Variants in GMDS observed in about 807,000 individuals in gnomAD.
GMDS encodes the protein GDP-mannose 4,6 dehydratase.
GMDS carries 20 observed loss-of-function variants against 49.9 expected under a neutral mutation model. That is an observed-to-expected ratio of 0.40 (90% CI 0.28 to 0.58). The LOEUF is 0.58. GMDS is among the 20% of genes least tolerant of loss of function. GMDS has a pLI of 0.42. For synonymous variants in GMDS, 177 were observed against 178.6 expected (o/e 0.99, Z 0.07); for missense variants, 362 against 481.4 (o/e 0.75, Z 2.32).
At chr6:2,107,798 C>A (rs547080462) in intron 4 of GMDS, among the ~76,000 whole-genome samples, 1 of 152,336 alleles carries the variant, frequency 6.6e-6, no homozygotes, top group Admixed American at 6.5e-5. Context: ...CTTCTAGACA[C>A]AAAAGGCACT....
At chr6:1,807,761 A>G (rs1399574611) in intron 7 of GMDS, among the ~76,000 whole-genome samples, 2 of 152,194 alleles carry the variant, frequency 1.3e-5, no homozygotes, top group Non-Finnish European at 2.9e-5. Flanking sequence ...GCAGTGGATC[A>G]TAGAGGTAAA....
Position 1,699,622 on chromosome 6 carries a change from G to A in GMDS, c.987+26794C>T, listed in dbSNP as rs117940571. On this transcript the variant is annotated intron_variant, in intron 9 of 10. Coordinates refer to ENST00000380815, the MANE Select transcript of GMDS (RefSeq NM_001500.4). ...CCTTGAATCACCCTGACCCCGCTTCGTCTTCACTGCTCCTTTTCTGACTCT... is the reference window on the plus strand; with the variant it reads ...CCTTGAATCACCCTGACCCCGCTTCATCTTCACTGCTCCTTTTCTGACTCT... 4.4e-4 allele frequency among the ~76,000 whole-genome samples: 67 copies of A among 152,196 alleles called. No homozygotes were observed. In the East Asian group the frequency reaches 0.012, roughly 27 times the overall value.
chr6:1,643,368 G>A (rs562013701), intron 9 of GMDS, among the ~76,000 whole-genome samples: 1 of 152,208 alleles, frequency 6.6e-6, no homozygotes, highest in Non-Finnish European at 1.5e-5. Flanking sequence ...AACCCTGACT[G>A]CCCACGGGGC....
chr6:1,832,330 T>C (rs941021508), intron 7 of GMDS, among the ~76,000 whole-genome samples: 1 of 151,822 alleles, frequency 6.6e-6, no homozygotes, highest in African/African-American at 2.4e-5. Flanking sequence ...GAGTTTGAGG[T>C]TGCAGTGAGT....
Position 1,630,235 on chromosome 6 carries a change from G to T in GMDS, c.988-5695C>A, listed in dbSNP as rs142588434. Among the ~76,000 whole-genome samples, 30 of 152,374 alleles carry T rather than the reference G, an allele frequency of 2.0e-4. No individual in the cohort carries two copies. The East Asian group carries it at 5.4e-3, about 27-fold the overall frequency. On this transcript the variant is annotated intron_variant, in intron 9 of 10. Coordinates refer to ENST00000380815, the MANE Select transcript of GMDS (RefSeq NM_001500.4). ...ACAAAGTTTTAAAACATATTCTGGAGAAAGCCCTTTCTAGCAGACATGCTG... is the reference window on the plus strand; with the variant it reads ...ACAAAGTTTTAAAACATATTCTGGATAAAGCCCTTTCTAGCAGACATGCTG...
chr6:1,835,649 T>C (rs1292302937), intron 7 of GMDS, among the ~76,000 whole-genome samples: 1 of 152,158 alleles, frequency 6.6e-6, no homozygotes, highest in Admixed American at 6.5e-5. Flanking sequence ...AAAAAACAAG[T>C]GCAGGCAGAT....
chr6:1,885,193 A>G (rs1759544617), intron 7 of GMDS, among the ~76,000 whole-genome samples: 1 of 152,226 alleles, frequency 6.6e-6, no homozygotes, highest in Non-Finnish European at 1.5e-5. Flanking sequence ...CTGATTCTGG[A>G]AAAGAGTAAA....
intron 8 of GMDS, among the ~76,000 whole-genome samples, chr6:1,734,738 C>T (rs1050867353): frequency 6.6e-6 from 1 of 152,244 alleles, no homozygotes; most frequent in Non-Finnish European, 1.5e-5. Context: ...AATAGGGAGG[C>T]TCCCCTCTAA....
intron 1 of GMDS, among the ~76,000 whole-genome samples, chr6:2,240,555 G>A (rs529058521): frequency 8.7e-5 from 13 of 149,314 alleles, no homozygotes; most frequent in South Asian, 6.3e-4. Flanking sequence ...AGTAAACCGA[G>A]GTCACGTCAC....
rs889602967 is a variant in GMDS, at chr6:1,878,127, C to A, written c.771+51976G>T. 5.9e-5 allele frequency among the ~76,000 whole-genome samples: 9 copies of A among 152,008 alleles called. No homozygotes were observed. In the South Asian group the frequency reaches 6.2e-4, roughly 11 times the overall value. On this transcript the variant is annotated intron_variant, in intron 7 of 10. Coordinates refer to ENST00000380815, the MANE Select transcript of GMDS (RefSeq NM_001500.4). ...AGGAGATCGAGACCATCCTGGCTAA[C>A]ATGGTGAAACCCCGTCTCTACTAAA...
intron 4 of GMDS, among the ~76,000 whole-genome samples, chr6:2,060,067 T>C (rs1771055487): frequency 6.6e-6 from 1 of 152,172 alleles, no homozygotes; most frequent in Non-Finnish European, 1.5e-5. Flanking sequence ...TAAGCTACGT[T>C]TTCCTTTCTT....
At chr6:2,115,516 G>C (rs1042378133) in intron 4 of GMDS, among the ~76,000 whole-genome samples, 10 of 152,118 alleles carry the variant, frequency 6.6e-5, no homozygotes, top group Admixed American at 6.6e-4. Context: ...TGGCTACAGG[G>C]AACAACCCAA....
At chr6:1,821,548 C>A (rs1021797668) in intron 7 of GMDS, among the ~76,000 whole-genome samples, 1 of 149,276 alleles carries the variant, frequency 6.7e-6, no homozygotes, top group Non-Finnish European at 1.5e-5. Flanking sequence ...ACATTCCAAA[C>A]GTTTTAATAT....
At chr6:1,990,250 G>T (rs1254144848) in intron 4 of GMDS, among the ~76,000 whole-genome samples, 9 of 152,064 alleles carry the variant, frequency 5.9e-5, no homozygotes, top group Admixed American at 5.9e-4. Context: ...GAGCCGAGAT[G>T]GCACCACTGC....
At chr6:2,217,798 C>G (rs982683405) in intron 1 of GMDS, among the ~76,000 whole-genome samples, 1 of 152,140 alleles carries the variant, frequency 6.6e-6, no homozygotes, top group Non-Finnish European at 1.5e-5. Context: ...CCTCCCAGTG[C>G]CCCCCAAAGC....
At chr6:2,026,175 G>A (rs950482333) in intron 4 of GMDS, among the ~76,000 whole-genome samples, 1 of 152,110 alleles carries the variant, frequency 6.6e-6, no homozygotes, top group African/African-American at 2.4e-5. Context: ...CCACCACCTG[G>A]TCCTAGGCCA....
intron 4 of GMDS, among the ~76,000 whole-genome samples, chr6:2,044,380 C>T (rs572205573): frequency 1.1e-4 from 16 of 151,704 alleles, no homozygotes; most frequent in Non-Finnish European, 2.1e-4. Flanking sequence ...ACTATGCAGC[C>T]GTAAAAAAGA....
At chr6:2,061,099 G>A (rs1771128827) in intron 4 of GMDS, among the ~76,000 whole-genome samples, 1 of 152,128 alleles carries the variant, frequency 6.6e-6, no homozygotes, top group African/African-American at 2.4e-5. Context: ...AAGGCCGTGA[G>A]GCAGGAGCAC....
chr6:2,075,548 T>C (rs1384760390), intron 4 of GMDS, among the ~76,000 whole-genome samples: 1 of 152,216 alleles, frequency 6.6e-6, no homozygotes, highest in African/African-American at 2.4e-5. Flanking sequence ...AGAATGATGG[T>C]TTCCATCTTC....
Sources: gnomAD v4.1 joint callset for allele counts (sites outside exome capture counted in the v4.1 genomes callset) on GRCh38, gnomAD v4.1.1 for gene constraint, MANE v1.5 for transcripts, NCBI Gene and HGNC (gene_info 2026-07-23, HGNC 2026-07-21) for gene names.